Variants in THADA observed in about 807,000 individuals in gnomAD.
THADA encodes tRNA (32-2'-O)-methyltransferase regulator THADA.
THADA carries 213 observed loss-of-function variants against 219.8 expected under a neutral mutation model. The ratio of observed to expected loss-of-function variants is 0.97; its 90% confidence interval spans 0.87 to 1.09. The LOEUF is 1.09. Ranked by LOEUF, THADA falls within the 50% of genes least tolerant of loss-of-function variation. THADA has a pLI of 0.00. For synonymous variants in THADA, 1,018 were observed against 828.9 expected (o/e 1.23, Z -3.92); for missense variants, 2,956 against 2,311.3 (o/e 1.28, Z -5.72).
In THADA at chr2:43,349,928, T is replaced by C. The variant is rs1668059165; in HGVS notation, c.4228-5691A>G. Among the ~76,000 whole-genome samples the C allele has an allele frequency of 2.0e-5, 3 of 152,336 alleles. No individual in the cohort carries two copies. In the South Asian group the frequency reaches 6.2e-4, roughly 32 times the overall value. On this transcript the variant is annotated intron_variant, in intron 29 of 37. Coordinates refer to ENST00000405975, the MANE Select transcript of THADA (RefSeq NM_022065.5). ...TTTCTGTATCTGCCATTTTGCCTAG[T>C]TTTCTCCCTGCACTGCTTCAACCCC...
At chr2:43,430,981 T>C (rs1679185087) in intron 26 of THADA, among the ~76,000 whole-genome samples, 1 of 152,246 alleles carries the variant, frequency 6.6e-6, no homozygotes, top group African/African-American at 2.4e-5. Flanking sequence ...GCTGAACTTG[T>C]AAGAATTATC....
intron 26 of THADA, among the ~76,000 whole-genome samples, chr2:43,469,983 G>C (rs945989036): frequency 6.6e-6 from 1 of 152,084 alleles, no homozygotes; most frequent in Non-Finnish European, 1.5e-5. Context: ...GGCTGAGGCA[G>C]GCAGATCACT....
At chr2:43,241,835 C>T (rs886212381) in intron 36 of THADA, among the ~76,000 whole-genome samples, 1 of 152,080 alleles carries the variant, frequency 6.6e-6, no homozygotes, top group Admixed American at 6.5e-5. Flanking sequence ...GAGTTGGTGA[C>T]CCCTGTGAAA....
At chr2:43,400,806 T>C (rs1367234957) in intron 28 of THADA, among the ~76,000 whole-genome samples, 1 of 152,074 alleles carries the variant, frequency 6.6e-6, no homozygotes, top group African/African-American at 2.4e-5. Flanking sequence ...ATAGCATCAG[T>C]ATACTCCAGA....
intron 7 of THADA, among the ~76,000 whole-genome samples, chr2:43,586,022 C>G (rs573712483): frequency 1.3e-5 from 2 of 151,888 alleles, no homozygotes; most frequent in Admixed American, 1.3e-4. Flanking sequence ...CTCAACACTT[C>G]GGGAGGCTAA....
chr2:43,478,519 T>C (rs1685810227), intron 26 of THADA, among the ~76,000 whole-genome samples: 1 of 152,198 alleles, frequency 6.6e-6, no homozygotes, highest in South Asian at 2.1e-4. Context: ...TGGTATTACA[T>C]TATATTAGTC....
At chr2:43,513,327 A>G (rs1471813535) in intron 22 of THADA, among the ~76,000 whole-genome samples, 2 of 152,210 alleles carry the variant, frequency 1.3e-5, no homozygotes, top group African/African-American at 4.8e-5. Context: ...ATATACAAAT[A>G]GAAACCCCAA....
chr2:43,446,428 C>T (rs1283172257), intron 26 of THADA, among the ~76,000 whole-genome samples: 1 of 152,156 alleles, frequency 6.6e-6, no homozygotes, highest in African/African-American at 2.4e-5. Flanking sequence ...CTGGGTTCAC[C>T]CTCTTGAAGT....
chr2:43,465,234 A>C (rs1684100350), intron 26 of THADA, among the ~76,000 whole-genome samples: 3 of 152,196 alleles, frequency 2.0e-5, no homozygotes, highest in Admixed American at 2.0e-4. Context: ...TCTCCAAAAC[A>C]ATTTCTTAAT....
At chr2:43,397,294 A>AT (rs1423587488) in intron 29 of THADA, among the ~76,000 whole-genome samples, 2 of 152,182 alleles carry the variant, frequency 1.3e-5, no homozygotes, top group African/African-American at 4.8e-5. Flanking sequence ...GCATGCCTAT[A>AT]TGAGCACTAT....
chr2:43,239,369 C>G (rs1382697816), intron 36 of THADA, among the ~76,000 whole-genome samples: 1 of 152,318 alleles, frequency 6.6e-6, no homozygotes, highest in Middle Eastern at 3.4e-3. Context: ...CCCCATCCCC[C>G]GCCCCCCAAC....
intron 14 of THADA, among the ~76,000 whole-genome samples, chr2:43,567,986 T>C (rs1261851757): frequency 3.3e-5 from 5 of 152,128 alleles, no homozygotes; most frequent in African/African-American, 1.2e-4. Context: ...GAGTTCTCCC[T>C]GTACTTTCTT....
chr2:43,334,668 G>C (rs1666186830), intron 30 of THADA, among the ~76,000 whole-genome samples: 3 of 151,952 alleles, frequency 2.0e-5, no homozygotes, highest in Non-Finnish European at 1.5e-5. Context: ...CCAGCTACTC[G>C]GGAGGCTCAG....
At chr2:43,303,417 C>G (rs1286892713) in intron 31 of THADA, among the ~76,000 whole-genome samples, 2 of 152,026 alleles carry the variant, frequency 1.3e-5, no homozygotes, top group African/African-American at 4.8e-5. Flanking sequence ...TAGCACAGAC[C>G]TTGAGCAGGG....
chr2:43,396,379 C>T (rs1175130470), intron 29 of THADA, among the ~76,000 whole-genome samples: 1 of 152,222 alleles, frequency 6.6e-6, no homozygotes, highest in Non-Finnish European at 1.5e-5. Flanking sequence ...GCACTTAGCA[C>T]ACTACATCAT....
chr2:43,416,649 AG>A (rs1677014459), intron 28 of THADA, among the ~76,000 whole-genome samples: 3 of 152,164 alleles, frequency 2.0e-5, no homozygotes, highest in African/African-American at 7.2e-5. Flanking sequence ...CAAAAACCCC[AG>A]GGGACACATC....
chr2:43,339,383 C>T (rs201651561), intron 30 of THADA, among the ~76,000 whole-genome samples: 1 of 152,220 alleles, frequency 6.6e-6, no homozygotes, highest in African/African-American at 2.4e-5. Flanking sequence ...CAGGTTCAAG[C>T]GATTCTCATG....
rs545253665 is a variant in THADA, at chr2:43,414,428, T to C, written c.4058+13672A>G. ...TGTCATTCTATTTCCAGGTAACCTC[T>C]TGGCTAGGTATTCGAAGTCAGAGTT... On this transcript the variant is annotated intron_variant, in intron 28 of 37. Transcript: ENST00000405975. 2.0e-5 allele frequency among the ~76,000 whole-genome samples: 3 copies of C among 152,334 alleles called. No homozygotes were observed. The South Asian group carries it at 6.2e-4, about 32-fold the overall frequency.
intron 29 of THADA, among the ~76,000 whole-genome samples, chr2:43,381,396 C>A (rs988685622): frequency 7.2e-5 from 11 of 152,072 alleles, no homozygotes; most frequent in Admixed American, 5.2e-4. Context: ...TCCCCCCACC[C>A]AGCCTCAGGA....
Sources: gnomAD v4.1 joint callset for allele counts (sites outside exome capture counted in the v4.1 genomes callset) on GRCh38, gnomAD v4.1.1 for gene constraint, MANE v1.5 for transcripts, NCBI Gene and HGNC (gene_info 2026-07-23, HGNC 2026-07-21) for gene names.